The following ARAP2 variants were observed in gnomAD, a reference collection of about 807,000 sequenced individuals.
ARAP2 encodes arf-GAP with Rho-GAP domain, ANK repeat and PH domain-containing protein 2.
A neutral mutation model predicts 194.5 loss-of-function variants in ARAP2; 148 were observed. That is an observed-to-expected ratio of 0.76 (90% CI 0.67 to 0.87). ARAP2 has a LOEUF of 0.87. Among genes scored for constraint, ARAP2 ranks in the 40% least tolerant of loss-of-function variants. ARAP2 has a pLI of 0.00. For missense variants in ARAP2, 2,128 were observed against 1,989.7 expected (o/e 1.07, Z -1.32); for synonymous variants, 695 against 683.5 (o/e 1.02, Z -0.26).
intron 32 of ARAP2, among the ~76,000 whole-genome samples, chr4:36,072,386 G>C (rs1727195796): frequency 6.6e-6 from 1 of 151,948 alleles, no homozygotes; most frequent in Non-Finnish European, 1.5e-5. Context: ...TTGTGGATTT[G>C]GGATAAGGCT....
At chr4:36,083,876 C>A (rs1314736168) in intron 28 of ARAP2, among the ~76,000 whole-genome samples, 1 of 151,980 alleles carries the variant, frequency 6.6e-6, no homozygotes, top group African/African-American at 2.4e-5. Context: ...ACTGGGTGGG[C>A]ACCATCTAAT....
intron 9 of ARAP2, among the ~76,000 whole-genome samples, chr4:36,011,883 T>C (rs1256853800): frequency 6.6e-6 from 1 of 152,156 alleles, no homozygotes; most frequent in South Asian, 2.1e-4. Context: ...AGCTTTAGAA[T>C]AGTTCCTTAT....
chr4:36,220,757 T>A (rs13112844), intron 2 of ARAP2, among the ~76,000 whole-genome samples: 7,157 of 152,038 alleles, frequency 0.047, 252 homozygotes, highest in African/African-American at 0.1. Flanking sequence ...AAAATGCTTA[T>A]AGAACGAGGA....
rs559739043 is a variant in ARAP2, at chr4:36,143,465, T to A, written c.3263+3831A>T. Among the ~76,000 whole-genome samples the A allele has an allele frequency of 9.9e-5, 15 of 151,412 alleles. No homozygotes were observed. The South Asian group carries it at 2.5e-3, about 25-fold the overall frequency. Reference sequence around the variant, plus strand: ...AAATTAATACTGAACACTTGATTTTTAAAAAAAAATTTAAGTTACAAATTG... The same window carrying A: ...AAATTAATACTGAACACTTGATTTTAAAAAAAAAATTTAAGTTACAAATTG... On this transcript the variant is annotated intron_variant, in intron 19 of 32. Transcript: ENST00000303965.
chr4:36,084,574 G>A (rs1020862481), intron 28 of ARAP2, among the ~76,000 whole-genome samples: 4 of 152,084 alleles, frequency 2.6e-5, no homozygotes, highest in Admixed American at 6.6e-5. Flanking sequence ...AATTAAAATA[G>A]ACTATTAAAA....
chr4:36,081,335 G>T (rs1378438420), intron 30 of ARAP2, among the ~76,000 whole-genome samples: 3 of 152,162 alleles, frequency 2.0e-5, no homozygotes, highest in Admixed American at 6.6e-5. Flanking sequence ...GGGGGAGAAT[G>T]AAAGTATGAC....
chr4:36,044,038 C>T (rs77183855), intron 5 of ARAP2, among the ~76,000 whole-genome samples: 11 of 152,018 alleles, frequency 7.2e-5, no homozygotes, highest in South Asian at 2.1e-4. Flanking sequence ...TCAGGAAATG[C>T]GCACCAGTAT....
In ARAP2 at chr4:36,133,347, G is replaced by T. The variant is rs113155109; in HGVS notation, c.3306C>A (p.Val1102=). Residue 1102 remains valine, a synonymous_variant, in exon 20 of 33, where the codon GTC becomes GTA. Transcript: ENST00000303965. ...CTGCTTTTTCAATTGCAGTATGCCAGACTGTGAAATCCAACTTGGTATGCC... is the reference window on the plus strand; with the variant it reads ...CTGCTTTTTCAATTGCAGTATGCCATACTGTGAAATCCAACTTGGTATGCC... ...IHGHTKLDFT[V]WHTAIEKAAG... is the part of the protein sequence containing the mutation. The T allele has an allele frequency of 7.4e-5, 119 of 1,611,090 alleles. No homozygotes were observed. The African/African-American group carries it at 1.3e-3, about 17-fold the overall frequency.
chr4:36,133,232 G>A lies in ARAP2; in HGVS notation c.3421C>T (p.Gln1141Ter). 6.2e-7 allele frequency: 1 copy of A among 1,610,252 alleles called. No individual in the cohort carries two copies. Among genetic ancestry groups the A allele is most frequent in the Non-Finnish European group, 8.5e-7 (1 of 1,177,646 alleles). The change falls in exon 20 of 33, where the codon CAG (glutamine) becomes TAG (stop). Residue 1141 changes from glutamine to a stop codon, truncating the protein, a stop_gained. Transcript: ENST00000303965. LOFTEE classifies it high-confidence loss of function. ...AAAACTCAGTGATACTTACCATACT[G>A]TGTAACAAATGCTATACAGCTGTTC... ...IVNSCIAFVT[Q>*]YGLGCKYIYQ...
At chr4:36,081,792 C>A (rs1357502340) in intron 30 of ARAP2, among the ~76,000 whole-genome samples, 2 of 151,190 alleles carry the variant, frequency 1.3e-5, no homozygotes, top group Admixed American at 1.3e-4. Context: ...GCTCAGTGAC[C>A]GATTAGACAC....
intron 32 of ARAP2, among the ~76,000 whole-genome samples, chr4:36,068,537 C>T (rs1430611216): frequency 6.6e-6 from 1 of 152,152 alleles, no homozygotes; most frequent in Admixed American, 6.5e-5. Flanking sequence ...AACAAATATG[C>T]ATGAAGTAGA....
intron 5 of ARAP2, among the ~76,000 whole-genome samples, chr4:36,043,990 T>C (rs936563660): frequency 3.3e-5 from 5 of 152,054 alleles, no homozygotes; most frequent in African/African-American, 1.2e-4. Context: ...AATTAGTGAA[T>C]ATATGATATT....
chr4:36,167,938 A>C (rs1369913912), intron 9 of ARAP2, among the ~76,000 whole-genome samples: 1 of 152,170 alleles, frequency 6.6e-6, no homozygotes, highest in African/African-American at 2.4e-5. Flanking sequence ...ACCTATTTGA[A>C]TAAATTCAGA....
intron 27 of ARAP2, among the ~76,000 whole-genome samples, chr4:36,103,173 G>A (rs1209811603): frequency 4.0e-5 from 6 of 151,554 alleles, no homozygotes; most frequent in Admixed American, 6.6e-5. Context: ...CTATTCTAAT[G>A]CAAATTTAAT....
At chr4:36,092,148 G>A in intron 27 of ARAP2, 128 bp from the exon 28 acceptor site, 1 of 1,027,198 alleles carries the variant, frequency 9.7e-7, no homozygotes, top group East Asian at 2.5e-5. Flanking sequence ...AGTCTAAGGT[G>A]AACTTCCGGG....
chr4:36,198,479 C>T (rs1021609620), intron 6 of ARAP2, among the ~76,000 whole-genome samples: 1 of 152,240 alleles, frequency 6.6e-6, no homozygotes, highest in Non-Finnish European at 1.5e-5. Context: ...CCAGCTTCAC[C>T]TCCTGCTGCT....
chr4:36,126,124 CTAG>C, intron 21 of ARAP2, among the ~76,000 whole-genome samples: 1 of 152,008 alleles, frequency 6.6e-6, no homozygotes, highest in Middle Eastern at 3.4e-3. Flanking sequence ...ATTAAGTGCA[CTAG>C]TAGATGACTC....
At chr4:36,049,798 G>C (rs1212016793) in intron 3 of ARAP2, among the ~76,000 whole-genome samples, 2 of 151,922 alleles carry the variant, frequency 1.3e-5, no homozygotes, top group Admixed American at 6.5e-5. Flanking sequence ...GGAGTATAAG[G>C]CTTTATATTT....
At chr4:36,134,970 C>A (rs35342722) in intron 19 of ARAP2, among the ~76,000 whole-genome samples, 1 of 151,754 alleles carries the variant, frequency 6.6e-6, no homozygotes, top group East Asian at 1.9e-4. Context: ...GTTTTAGCCA[C>A]GAAACTCCAA....
Sources: allele counts gnomAD v4.1 joint callset (sites outside exome capture counted in the v4.1 genomes callset), GRCh38; gene constraint gnomAD v4.1.1; transcripts MANE v1.5; gene names NCBI Gene and HGNC (gene_info 2026-07-23, HGNC 2026-07-21).